Variants in IPO4 observed in about 807,000 individuals in gnomAD.
The protein encoded by IPO4 is importin-4.
IPO4 carries 91 observed loss-of-function variants against 133.5 expected under a neutral mutation model. The ratio of observed to expected loss-of-function variants is 0.68; its 90% confidence interval spans 0.58 to 0.81. The LOEUF is 0.81. Ranked by LOEUF, IPO4 falls within the 30% of genes least tolerant of loss-of-function variation. IPO4 has a pLI of 0.00. For missense variants in IPO4, 1,279 were observed against 1,386.2 expected (o/e 0.92, Z 1.23); for synonymous variants, 607 against 581.6 (o/e 1.04, Z -0.63).
chr14:24,183,972 G>T, intron 18 of IPO4, 26 bp downstream of exon 18: 1 of 1,573,302 alleles, frequency 6.4e-7, no homozygotes, highest in Non-Finnish European at 8.6e-7. Context: ...GGCAGGCCTG[G>T]CCCAGCCCAC....
Position 24,188,434 on chromosome 14 carries a change from G to C in IPO4, c.157-11C>G. 1 of 1,610,594 alleles carries C rather than the reference G, an allele frequency of 6.2e-7. No homozygotes were observed. The highest frequency in any genetic ancestry group is 1.1e-5 in the South Asian group (1 of 91,068). ...CGCAAACTGGCGGATCTAGGACGAG[G>C]AAGCAAGCACGTGGGGGTCCGGGCA... On this transcript the variant is annotated splice_polypyrimidine_tract_variant and intron_variant, in intron 2 of 29. Transcript: ENST00000354464.
At chr14:24,182,871 C>A (rs775112476) in intron 23 of IPO4, 29 bp from the exon 24 acceptor site, 1 of 1,609,654 alleles carries the variant, frequency 6.2e-7, no homozygotes, top group Non-Finnish European at 8.5e-7. Context: ...CTTAGCGGAG[C>A]TTTCACGCCC....
rs74458157 is a variant in IPO4, at chr14:24,186,300, T to C, written c.992A>G (p.His331Arg). 1.9e-6 allele frequency: 3 copies of C among 1,606,624 alleles called. No homozygotes were observed. Among genetic ancestry groups the C allele is most frequent in the East Asian group, 2.2e-5 (1 of 44,732 alleles). Residue 331 changes from histidine to arginine, a missense_variant, in exon 10 of 30, where the codon CAT becomes CGT. Coordinates refer to ENST00000354464, the MANE Select transcript of IPO4 (RefSeq NM_024658.4). ...CCCACATCTCACTTGTACAGCGAAA[T>C]GCTTGGGAGTCTCCCCCATCAGCTC... ...EIELMGETPK[H>R]FAVQVVDMLA...
intron 12 of IPO4, 80 bp downstream of exon 12, chr14:24,185,781 G>A: frequency 8.6e-7 from 1 of 1,158,666 alleles, no homozygotes; most frequent in South Asian, 1.2e-5. Context: ...TGATAAATAA[G>A]CTTGAACAAC....
chr14:24,184,233 G>T, intron 17 of IPO4, 65 bp downstream of exon 17: 4 of 1,559,918 alleles, frequency 2.6e-6, no homozygotes, highest in Non-Finnish European at 3.5e-6. Flanking sequence ...GGGGATTCCA[G>T]TGGGTCCAGT....
chr14:24,183,972 G>GGGGCGCCC, intron 18 of IPO4, 26 bp downstream of exon 18: 10 of 1,573,248 alleles, frequency 6.4e-6, no homozygotes, highest in Non-Finnish European at 8.6e-6. Flanking sequence ...GGCAGGCCTG[G>GGGGCGCCC]CCCAGCCCAC....
rs1284644480 is a variant in IPO4 at position 24,188,603 on chromosome 14, G to A, written c.105C>T (p.Pro35=). Residue 35 remains proline (P), a synonymous_variant, in exon 2 of 30, where the codon CCC becomes CCT. Transcript: ENST00000354464. Reference sequence around the variant, plus strand: ...GGTCGCAGAGAGCCGGCAAAGCGGCGGGGGCCCGAAGAACGATCTGGAGCT... The same window carrying A: ...GGTCGCAGAGAGCCGGCAAAGCGGCAGGGGCCCGAAGAACGATCTGGAGCT... ...TEQLQIVLRA[P]AALPALCDLL... is the part of the protein sequence containing the mutation. The A allele has an allele frequency of 6.2e-7, 1 of 1,612,058 alleles. No homozygotes were observed. The highest frequency in any genetic ancestry group is 8.5e-7 in the Non-Finnish European group (1 of 1,179,328).
chr14:24,187,889 T>G, intron 4 of IPO4, 93 bp from the exon 5 acceptor site: 1 of 1,513,750 alleles, frequency 6.6e-7, no homozygotes, highest in Non-Finnish European at 9.0e-7. Context: ...ACAGAAACTT[T>G]CAGGAGGTGT....
intron 18 of IPO4, 47 bp downstream of exon 18, chr14:24,183,951 T>A: frequency 6.2e-7 from 1 of 1,613,264 alleles, no homozygotes; most frequent in Non-Finnish European, 8.5e-7. Context: ...AGGAGATAAA[T>A]CCCATTGCAG....
intron 4 of IPO4, 179 bp downstream of exon 4, chr14:24,188,037 G>T: frequency 2.5e-6 from 2 of 785,570 alleles, no homozygotes; most frequent in Non-Finnish European, 4.1e-6. Context: ...CTTGGGTTTG[G>T]CAGATCATCA....
rs908339008 is a variant in IPO4 at position 24,187,582 on chromosome 14, G to C, written c.409-3C>G. 1.9e-6 allele frequency: 3 copies of C among 1,614,172 alleles called. No individual in the cohort carries two copies. Among genetic ancestry groups the C allele is most frequent in the Non-Finnish European group, 2.5e-6 (3 of 1,180,018 alleles). Reference sequence around the variant, plus strand: ...ACACTTAGCAGCAAAAGCCCCATCTGTCCAAGAATAGAGGATGGGAGAGCA... The same window carrying C: ...ACACTTAGCAGCAAAAGCCCCATCTCTCCAAGAATAGAGGATGGGAGAGCA... On this transcript the variant is annotated splice_polypyrimidine_tract_variant and splice_region_variant and intron_variant, in intron 5 of 29. Transcript: ENST00000354464.
At position 24,185,049 on chromosome 14, in the gene IPO4, C is replaced by T. The variant is rs181317640; in HGVS notation, c.1409-69G>A. ...ACCTGCACGCCCACCTCCCTCCAGG[C>T]GGAAACCTTTTTTTGGCACCATCAC... On this transcript the variant is annotated intron_variant, in intron 14 of 29. Coordinates refer to ENST00000354464, the MANE Select transcript of IPO4 (RefSeq NM_024658.4). 51 of 1,589,424 alleles carry T rather than the reference C, an allele frequency of 3.2e-5. No homozygotes were observed. The Admixed American group carries it at 5.9e-4, about 19-fold the overall frequency.
chr14:24,183,752 G>C (rs762281202), intron 19 of IPO4, 31 bp downstream of exon 19: 1 of 1,614,184 alleles, frequency 6.2e-7, no homozygotes, highest in South Asian at 1.1e-5. Flanking sequence ...CCAAAGTCTA[G>C]ATTCCTGATC....
Position 24,180,244 on chromosome 14 carries a change from C to T in IPO4, c.*198G>A, listed in dbSNP as rs1466512907. 6.4e-7 allele frequency: 1 copy of T among 1,568,646 alleles called. No individual in the cohort carries two copies. The highest frequency in any genetic ancestry group is 1.2e-5 in the South Asian group (1 of 86,688). On this transcript the variant is annotated 3_prime_UTR_variant, in exon 30 of 30. Coordinates refer to ENST00000354464, the MANE Select transcript of IPO4 (RefSeq NM_024658.4). ...TATTGTTCAAGCAGAAAACAAGCTG[C>T]TTTTATTACAGTATGATGTCATGAC...
Position 24,183,473 on chromosome 14 carries a change from C to A in IPO4, c.2104G>T (p.Val702Leu). The change falls in exon 21 of 30, where the codon GTA (valine) becomes TTA (leucine). Residue 702 changes from valine to leucine, a missense_variant. By Grantham distance (32) the Val-to-Leu change is conservative. Around this residue, in one of 3 missense-constraint regions of IPO4, gnomAD observed 575 missense variants for 653.4 expected, o/e 0.88. Transcript: ENST00000354464. ...LPYMESVFEE[V>L]FKLLECPHLN... ...CCGCTCACCTCCAGCAGTTTAAATA[C>A]TTCTTCAAAGACACTTTCCATGTAT... The A allele has an allele frequency of 6.2e-7, 1 of 1,612,836 alleles. No homozygotes were observed. The highest frequency in any genetic ancestry group is 8.5e-7 in the Non-Finnish European group (1 of 1,179,198).
At chr14:24,185,828 G>T (rs1302218821) in intron 12 of IPO4, 33 bp downstream of exon 12, 5 of 1,534,808 alleles carry the variant, frequency 3.3e-6, no homozygotes, top group Admixed American at 1.7e-5. Flanking sequence ...CTCCCTGTGG[G>T]CAACCCTCAC....
At chr14:24,185,438 C>T in intron 13 of IPO4, 21 bp downstream of exon 13, 1 of 1,611,998 alleles carries the variant, frequency 6.2e-7, no homozygotes, top group Non-Finnish European at 8.5e-7. Flanking sequence ...AGTGGTGGCT[C>T]CCACATTCAG....
At position 24,186,969 on chromosome 14, in the gene IPO4, C is replaced by G; in HGVS notation, c.665G>C (p.Cys222Ser). 6.2e-7 allele frequency: 1 copy of G among 1,614,016 alleles called. No individual in the cohort carries two copies. The highest frequency in any genetic ancestry group is 1.1e-5 in the South Asian group (1 of 91,082). Residue 222 changes from cysteine to serine, a missense_variant, in exon 8 of 30, where the codon TGT (cysteine) becomes TCT (serine). By Grantham distance (112) the Cys-to-Ser change is moderately radical. Transcript: ENST00000354464. ...TLIPIDEAKA[C>S]EALEALDELL... ...TTCATCCAAAGCCTCAAGGGCCTCA[C>G]AGGCCTTTGCCTGACAGACAAACAA...
At chr14:24,184,519 G>A in intron 16 of IPO4, 101 bp from the exon 17 acceptor site, 1 of 1,479,248 alleles carries the variant, frequency 6.8e-7, no homozygotes, top group East Asian at 2.4e-5. Flanking sequence ...CCACCCCTTG[G>A]TACAGCATGA....
Sources: allele counts gnomAD v4.1 joint callset, GRCh38; gene constraint gnomAD v4.1.1; regional missense constraint gnomAD v4.1.1; transcripts MANE v1.5; gene names NCBI Gene and HGNC (gene_info 2026-07-23, HGNC 2026-07-21).